Variants in RALGDS observed in about 807,000 individuals in gnomAD.
The protein encoded by RALGDS is ral guanine nucleotide dissociation stimulator.
In RALGDS, 44 loss-of-function variants were observed where a neutral mutation model predicts 99.8. That is an observed-to-expected ratio of 0.44 (90% CI 0.35 to 0.57). The LOEUF is 0.57. Ranked by LOEUF, RALGDS falls within the 20% of genes least tolerant of loss-of-function variation. The pLI is 0.01. For synonymous variants in RALGDS, 529 were observed against 505.0 expected, an observed-to-expected ratio of 1.05 and a Z score of -0.64; for missense variants, 1,022 against 1,203.1, an observed-to-expected ratio of 0.85 and a Z score of 2.23.
intron 1 of RALGDS, among the ~76,000 whole-genome samples, chr9:133,126,745 A>G (rs1832173239): frequency 6.6e-6 from 1 of 152,250 alleles, no homozygotes; most frequent in South Asian, 2.1e-4. Context: ...GAGCCCAAGA[A>G]CCAAGAGTGA....
chr9:133,124,536 T>G (rs1466428582), upstream of RALGDS, among the ~76,000 whole-genome samples: 1 of 144,098 alleles, frequency 6.9e-6, no homozygotes, highest in Non-Finnish European at 1.5e-5. Flanking sequence ...AAAAACAAGT[T>G]TGAGATAGAC....
chr9:133,123,957 CAG>C (rs1832052822), upstream of RALGDS, among the ~76,000 whole-genome samples: 2 of 146,220 alleles, frequency 1.4e-5, 1 homozygote, highest in Non-Finnish European at 3.0e-5. Flanking sequence ...GATGCACACA[CAG>C]AGACACACAC....
upstream of RALGDS, among the ~76,000 whole-genome samples, chr9:133,123,853 C>G (rs112892023): frequency 5.7e-5 from 6 of 106,126 alleles, no homozygotes; most frequent in African/African-American, 7.2e-5. Context: ...CACACACAGA[C>G]ACACAAAGAT....
chr9:133,099,562 TTATATATACATGCA>T (rs1830649436), intron 17 of RALGDS: 1 of 152,502 alleles, frequency 6.6e-6, no homozygotes, highest in Non-Finnish European at 1.5e-5. Flanking sequence ...CATAGATGCT[TTATATATACATGCA>T]TATATATACA....
At position 133,098,608 on chromosome 9, in the gene RALGDS, CTT is replaced by C. The variant is rs766914011; in HGVS notation, c.2722_2723del (p.Lys908AspfsTer18). ...TLPRMKQKGLKIAKGIF is the reference protein window; with the variant it reads ...TLPRMKQKGLXIAKGIF ...GCCCTCAGAAGATGCCCTTGGCAAT[CTT>C]GAGTCCTTTCTGCTTCATGCGAGGG... On this transcript the variant is annotated frameshift_variant, in exon 18 of 18. Transcript: ENST00000372050. LOFTEE classifies it high-confidence loss of function. The C allele has an allele frequency of 6.2e-7, 1 of 1,614,204 alleles. No individual in the cohort carries two copies. The highest frequency in any genetic ancestry group is 8.5e-7 in the Non-Finnish European group (1 of 1,180,032).
At chr9:133,128,649 CTT>C (rs1376186996) in intron 1 of RALGDS, among the ~76,000 whole-genome samples, 1 of 152,176 alleles carries the variant, frequency 6.6e-6, no homozygotes, top group Non-Finnish European at 1.5e-5. Context: ...TTGGGGAACT[CTT>C]TTAAGATCTG....
At chr9:133,117,442 A>C (rs1343988236) in intron 1 of RALGDS, among the ~76,000 whole-genome samples, 1 of 152,228 alleles carries the variant, frequency 6.6e-6, no homozygotes, top group Non-Finnish European at 1.5e-5. Flanking sequence ...CTGCCAAAGC[A>C]TGCAAGCTTC....
chr9:133,106,538 G>C (rs1166909333), intron 8 of RALGDS, 107 bp downstream of exon 8: 9 of 838,562 alleles, frequency 1.1e-5, no homozygotes, highest in Non-Finnish European at 1.2e-5. Flanking sequence ...TCAGTGAAGG[G>C]TCCCTGCCCT....
At chr9:133,128,633 G>A (rs1357086737) in intron 1 of RALGDS, among the ~76,000 whole-genome samples, 1 of 152,214 alleles carries the variant, frequency 6.6e-6, no homozygotes, top group Non-Finnish European at 1.5e-5. Context: ...ATTCTTTCCT[G>A]TGGGTTTGGG....
intron 13 of RALGDS, 34 bp downstream of exon 13, chr9:133,102,745 C>T (rs758994922): frequency 5.0e-6 from 8 of 1,605,782 alleles, no homozygotes; most frequent in South Asian, 2.2e-5. Flanking sequence ...GGACAGCCTG[C>T]CCCCACTGTC....
chr9:133,106,806 C>T, intron 7 of RALGDS, 58 bp from the exon 8 acceptor site: 1 of 1,352,910 alleles, frequency 7.4e-7, no homozygotes, highest in Non-Finnish European at 1.0e-6. Context: ...CTTGCCTGGC[C>T]TCAGTCCCCC....
At chr9:133,125,837 G>GT (rs200493062), upstream of RALGDS, among the ~76,000 whole-genome samples, 127 of 152,310 alleles carry the variant, frequency 8.3e-4, 1 homozygote, top group East Asian at 0.022. Flanking sequence ...ACCCCGGGCA[G>GT]TGACTCCTGC....
chr9:133,119,864 C>T (rs962837703), intron 1 of RALGDS, among the ~76,000 whole-genome samples: 3 of 152,146 alleles, frequency 2.0e-5, no homozygotes, highest in Non-Finnish European at 4.4e-5. Flanking sequence ...CGCATCCAGG[C>T]CCTGTCTAGG....
intron 1 of RALGDS, chr9:133,129,217 T>G: frequency 6.3e-7 from 1 of 1,597,250 alleles, no homozygotes; most frequent in Non-Finnish European, 8.5e-7. Context: ...CGACGGCCCT[T>G]CTCCTGGCGG....
chr9:133,106,854 G>T, intron 7 of RALGDS, 106 bp from the exon 8 acceptor site: 2 of 998,586 alleles, frequency 2.0e-6, no homozygotes, highest in Non-Finnish European at 1.6e-6. Context: ...CAGACACCCA[G>T]GGAGTCCCCA....
In RALGDS at chr9:133,098,584, C is replaced by G. The variant is rs1215522632; in HGVS notation, c.*3G>C. 5 of 1,613,820 alleles carry G rather than the reference C, an allele frequency of 3.1e-6. No individual in the cohort carries two copies. In the Admixed American group the frequency reaches 5.0e-5, roughly 16 times the overall value. Reference sequence around the variant, plus strand: ...CAGCCAGCCAGACCCTGGGAGGATGCCCTCAGAAGATGCCCTTGGCAATCT... The same window carrying G: ...CAGCCAGCCAGACCCTGGGAGGATGGCCTCAGAAGATGCCCTTGGCAATCT... On this transcript the variant is annotated 3_prime_UTR_variant, in exon 18 of 18. Coordinates refer to ENST00000372050, the MANE Select transcript of RALGDS (RefSeq NM_006266.4).
At chr9:133,120,607 G>A (rs1460314957) in intron 1 of RALGDS, among the ~76,000 whole-genome samples, 1 of 152,216 alleles carries the variant, frequency 6.6e-6, no homozygotes, top group Admixed American at 6.5e-5. Flanking sequence ...ACGCGCTGCG[G>A]GCCCTGGGTG....
chr9:133,144,365 C>T lies in RALGDS; in HGVS notation c.18+4598G>A, dbSNP rs1229825600. ...GTCTGCAAACCATGGTCCTCCTCGC[C>T]ACCCCTGTCACCTCCTCCTCCGCCC... On this transcript the variant is annotated intron_variant, in intron 1 of 17. Transcript: ENST00000393160. The surrounding 1 kb of genome is among the most constrained non-coding windows in gnomAD (Gnocchi z 4.5). 1.3e-5 allele frequency among the ~76,000 whole-genome samples: 2 copies of T among 152,152 alleles called. No homozygotes were observed. The highest frequency in any genetic ancestry group is 4.8e-5 in the African/African-American group (2 of 41,430).
chr9:133,147,470 C>A (rs768779770), intron 1 of RALGDS, among the ~76,000 whole-genome samples: 49 of 152,310 alleles, frequency 3.2e-4, no homozygotes, highest in Non-Finnish European at 2.1e-4. Context: ...CCCAACGCTG[C>A]CCCCCCACAA....
Sources: gnomAD v4.1 joint callset for allele counts (sites outside exome capture counted in the v4.1 genomes callset) on GRCh38, gnomAD v4.1.1 for gene constraint, Gnocchi (gnomAD v3.1) non-coding constraint, MANE v1.5 for transcripts, NCBI Gene and HGNC (gene_info 2026-07-23, HGNC 2026-07-21) for gene names.